The following LRRIQ3 variants were observed in gnomAD, a reference collection of about 807,000 sequenced individuals.
LRRIQ3 encodes leucine-rich repeat and IQ domain-containing protein 3.
In LRRIQ3, 75 loss-of-function variants were observed where a neutral mutation model predicts 59.3. The ratio of observed to expected loss-of-function variants is 1.26; its 90% CI spans 1.05 to 1.53. The LOEUF (loss-of-function observed/expected upper bound fraction) is 1.53. LRRIQ3 is among the 40% of genes most tolerant of loss of function. LRRIQ3 has a pLI of 0.00. For missense variants in LRRIQ3, 831 were observed against 710.0 expected (o/e 1.17, Z -1.94); for synonymous variants, 250 against 231.3 (o/e 1.08, Z -0.73).
Position 74,041,846 on chromosome 1 carries a change from C to T in LRRIQ3, c.1085G>A (p.Gly362Asp), listed in dbSNP as rs376112860. 18 of 1,613,140 alleles carry T rather than the reference C, an allele frequency of 1.1e-5. No individual in the cohort carries two copies. The highest frequency in any genetic ancestry group is 1.5e-5 in the Non-Finnish European group (18 of 1,179,668). Reference protein sequence around the residue: ...SVFKLPIYTSGSLKNNAVLRE... With the variant: ...SVFKLPIYTSDSLKNNAVLRE... ...CAATACTGCATTATTCTTCAATGAA[C>T]CTGAAGTGTATATGGGTAGTTTGAA... The change falls in exon 7 of 8, where the codon GGT becomes GAT. Residue 362 changes from glycine (G) to aspartate (D), a missense_variant. Transcript: ENST00000354431.
chr1:74,036,497 C>T (rs1653878145), intron 7 of LRRIQ3, among the ~76,000 whole-genome samples: 1 of 152,144 alleles, frequency 6.6e-6, no homozygotes, highest in Non-Finnish European at 1.5e-5. Flanking sequence ...GGTCACATAA[C>T]ATTTTGATGA....
intron 4 of LRRIQ3, among the ~76,000 whole-genome samples, chr1:74,127,778 T>C (rs1434695204): frequency 1.3e-5 from 2 of 152,122 alleles, no homozygotes; most frequent in East Asian, 3.9e-4. Flanking sequence ...AGTGTTAAAA[T>C]ATTCTGTGTT....
At chr1:74,192,420 C>A (rs1383893812) in intron 1 of LRRIQ3, among the ~76,000 whole-genome samples, 4 of 152,082 alleles carry the variant, frequency 2.6e-5, no homozygotes, top group Non-Finnish European at 5.9e-5. Flanking sequence ...TTGTATTCCT[C>A]TCAAATACCA....
Position 74,182,573 on chromosome 1 carries a change from G to T in LRRIQ3, c.538C>A (p.Arg180=). 6.4e-7 allele frequency: 1 copy of T among 1,574,576 alleles called. No homozygotes were observed. Among genetic ancestry groups the T allele is most frequent in the Non-Finnish European group, 8.6e-7 (1 of 1,161,590 alleles). Residue 180 remains arginine, a synonymous_variant, in exon 3 of 8, where the codon CGA becomes AGA. Coordinates refer to ENST00000354431, the MANE Select transcript of LRRIQ3 (RefSeq NM_001105659.2). Reference sequence around the variant, plus strand: ...GCTGGGCAGAAATTAAAGAAAAGTCGATGGTTACATGCTTTGAATCTTTCA... The same window carrying T: ...GCTGGGCAGAAATTAAAGAAAAGTCTATGGTTACATGCTTTGAATCTTTCA... The part of the protein sequence containing the change: ...LPERFKACNH[R]LFFNFCPALR...
chr1:74,059,451 G>C (rs922851046), intron 6 of LRRIQ3, among the ~76,000 whole-genome samples: 2 of 151,882 alleles, frequency 1.3e-5, no homozygotes, highest in Admixed American at 6.6e-5. Flanking sequence ...ATCAATTTTT[G>C]AATGTAGATA....
intron 7 of LRRIQ3, among the ~76,000 whole-genome samples, chr1:74,040,241 C>A (rs1313015538): frequency 6.6e-6 from 1 of 152,174 alleles, no homozygotes; most frequent in Non-Finnish European, 1.5e-5. Flanking sequence ...GAAGAGCTAA[C>A]TATCCTAAAT....
chr1:74,099,090 A>G (rs11210412), intron 5 of LRRIQ3, among the ~76,000 whole-genome samples: 2 of 151,902 alleles, frequency 1.3e-5, no homozygotes, highest in African/African-American at 2.4e-5. Context: ...CACAAAAAAA[A>G]CCTTCAAAAA....
chr1:74,029,646 G>A (rs1343148297), intron 7 of LRRIQ3, among the ~76,000 whole-genome samples: 1 of 151,994 alleles, frequency 6.6e-6, no homozygotes, highest in Non-Finnish European at 1.5e-5. Context: ...CAGGGATATT[G>A]GTCTAAAATT....
intron 3 of LRRIQ3, among the ~76,000 whole-genome samples, chr1:74,177,045 C>T (rs960730368): frequency 6.6e-6 from 1 of 152,138 alleles, no homozygotes; most frequent in East Asian, 1.9e-4. Flanking sequence ...ATCAGTCTTG[C>T]TATGTTGATC....
chr1:74,090,867 C>T (rs1051893963), intron 5 of LRRIQ3, among the ~76,000 whole-genome samples: 4 of 151,972 alleles, frequency 2.6e-5, no homozygotes, highest in Non-Finnish European at 5.9e-5. Context: ...TCACTCCAGC[C>T]TGGGCAACAA....
At position 74,154,240 on chromosome 1, in the gene LRRIQ3, C is replaced by CAAA. The variant is rs71078186; in HGVS notation, c.707+1490_707+1492dup. On this transcript the variant is annotated intron_variant, in intron 4 of 7. Coordinates refer to ENST00000354431, the MANE Select transcript of LRRIQ3 (RefSeq NM_001105659.2). ...TGGGCGACAGAGCGAGACTCCTTCT[C>CAAA]AAAAAAAAAAAAAAAAAAAAAAAAA... is the stretch of plus-strand genomic sequence containing the variant. Among the ~76,000 whole-genome samples the CAAA allele has an allele frequency of 6.5e-3, 372 of 57,276 alleles. 54 individuals carry two copies. Among genetic ancestry groups the CAAA allele is most frequent in the African/African-American group, 8.8e-3 (121 of 13,726 alleles). 37.6% of individuals were successfully genotyped at this position (57,276 alleles called of 152,430 possible). A position where few individuals can be genotyped will look rare whatever the true frequency, so the allele number is the denominator to read the frequency against.
intron 1 of LRRIQ3, among the ~76,000 whole-genome samples, chr1:74,192,865 G>C (rs1043364811): frequency 6.6e-6 from 1 of 152,018 alleles, no homozygotes; most frequent in African/African-American, 2.4e-5. Flanking sequence ...GGAAAAGTGG[G>C]GATTTTTCAT....
chr1:74,030,550 C>T (rs1569992003), intron 7 of LRRIQ3, among the ~76,000 whole-genome samples: 1 of 152,144 alleles, frequency 6.6e-6, no homozygotes, highest in Non-Finnish European at 1.5e-5. Context: ...GGAAAACTGG[C>T]TAGCCATATG....
rs754483550 is a variant in LRRIQ3, at chr1:74,074,730, T to A, written c.928A>T (p.Ile310Phe). 6.9e-7 allele frequency: 1 copy of A among 1,454,250 alleles called. No individual in the cohort carries two copies. Among genetic ancestry groups the A allele is most frequent in the East Asian group, 2.5e-5 (1 of 39,686 alleles). 90.1% of individuals were successfully genotyped at this position (1,454,250 alleles called of 1,614,324 possible). A position where few individuals can be genotyped will look rare whatever the true frequency, so the allele number is the denominator to read the frequency against. The part of the protein sequence containing the change: ...SSEHRKHVSS[I>F]LCELKPKDLG... ...TCTTTTGGTTTTAATTCACATAAAA[T>A]AGATGACACATGTTTTCTGTGTTCA... The change falls in exon 6 of 8, where the codon ATT becomes TTT. Residue 310 changes from isoleucine to phenylalanine, a missense_variant. Ile to Phe is a conservative substitution (Grantham distance 21). Coordinates refer to ENST00000354431, the MANE Select transcript of LRRIQ3 (RefSeq NM_001105659.2).
chr1:74,068,307 A>G (rs768597582), intron 6 of LRRIQ3, among the ~76,000 whole-genome samples: 6 of 152,096 alleles, frequency 3.9e-5, no homozygotes, highest in African/African-American at 1.2e-4. Flanking sequence ...CTAAGAATCA[A>G]TGTGGGTCAG....
chr1:74,107,879 CATT>C (rs1395298302), intron 5 of LRRIQ3, among the ~76,000 whole-genome samples: 2 of 151,390 alleles, frequency 1.3e-5, no homozygotes, highest in African/African-American at 2.4e-5. Flanking sequence ...TAAAAAGTAA[CATT>C]AATAATTACA....
At chr1:74,192,982 T>C (rs1027115704) in intron 1 of LRRIQ3, among the ~76,000 whole-genome samples, 1 of 152,134 alleles carries the variant, frequency 6.6e-6, no homozygotes, top group African/African-American at 2.4e-5. Flanking sequence ...CCCCAGAGCA[T>C]GTCCCCTGAA....
At chr1:74,174,017 C>T (rs753561182) in intron 3 of LRRIQ3, among the ~76,000 whole-genome samples, 6 of 152,064 alleles carry the variant, frequency 3.9e-5, no homozygotes, top group Admixed American at 2.0e-4. Flanking sequence ...TTTCTATCTA[C>T]GTGCAGATTT....
intron 6 of LRRIQ3, among the ~76,000 whole-genome samples, chr1:74,052,190 T>A (rs1160750724): frequency 5.3e-5 from 8 of 152,180 alleles, no homozygotes; most frequent in Admixed American, 5.2e-4. Context: ...CCGCGCTGAC[T>A]ACATAAGTCT....
Sources: allele counts gnomAD v4.1 joint callset (sites outside exome capture counted in the v4.1 genomes callset), GRCh38; gene constraint gnomAD v4.1.1; transcripts MANE v1.5; gene names NCBI Gene and HGNC (gene_info 2026-07-23, HGNC 2026-07-21).